The following ZDHHC2 variants were observed in gnomAD, a reference collection of about 807,000 sequenced individuals.
ZDHHC2 encodes palmitoyltransferase ZDHHC2.
ZDHHC2 carries 51 observed loss-of-function variants against 55.6 expected under a neutral mutation model. The ratio of observed to expected loss-of-function variants is 0.92; its 90% CI spans 0.73 to 1.16. The LOEUF (loss-of-function observed/expected upper bound fraction) is 1.16. Ranked by LOEUF, ZDHHC2 falls within the 50% of genes most tolerant of loss-of-function variation. ZDHHC2 has a pLI of 0.00. For synonymous variants in ZDHHC2, 199 were observed against 152.9 expected, an observed-to-expected ratio of 1.30 and a Z score of -2.22; for missense variants, 491 against 442.4, an observed-to-expected ratio of 1.11 and a Z score of -0.99.
intron 6 of ZDHHC2, among the ~76,000 whole-genome samples, chr8:17,202,721 T>TTATA (rs71964858): frequency 0.025 from 3,494 of 137,988 alleles, 48 homozygotes; most frequent in South Asian, 0.032. Flanking sequence ...TTTCTTCTAG[T>TTATA]TATATATATA....
At chr8:17,182,759 T>C (rs1308775560) in intron 1 of ZDHHC2, among the ~76,000 whole-genome samples, 1 of 151,284 alleles carries the variant, frequency 6.6e-6, no homozygotes, top group Non-Finnish European at 1.5e-5. Flanking sequence ...CAACTACACC[T>C]TTTTTTTTGT....
chr8:17,182,330 A>G (rs1805470525), intron 1 of ZDHHC2, among the ~76,000 whole-genome samples: 2 of 152,188 alleles, frequency 1.3e-5, no homozygotes, highest in African/African-American at 2.4e-5. Context: ...GAGAAAGGAA[A>G]TCCCAATCAT....
intron 3 of ZDHHC2, among the ~76,000 whole-genome samples, chr8:17,190,409 C>T (rs757510204): frequency 1.6e-4 from 24 of 152,134 alleles, no homozygotes; most frequent in Non-Finnish European, 3.4e-4. Context: ...TGGTTAAGAA[C>T]CTTAGAATAT....
At chr8:17,197,484 C>T (rs1806378815) in intron 4 of ZDHHC2, 98 bp from the exon 5 acceptor site, 1 of 1,035,090 alleles carries the variant, frequency 9.7e-7, no homozygotes, top group East Asian at 2.6e-5. Flanking sequence ...ATTTCATATG[C>T]TTTTTAAAAT....
At chr8:17,162,057 G>A (rs915461064) in intron 1 of ZDHHC2, among the ~76,000 whole-genome samples, 9 of 152,262 alleles carry the variant, frequency 5.9e-5, no homozygotes, top group South Asian at 4.1e-4. Context: ...CTTGATCCGT[G>A]CTCCCATTTT....
rs143210259 is a variant in ZDHHC2, at chr8:17,205,813, A to G, written c.597+38A>G. 2,241 of 1,555,946 alleles carry G rather than the reference A, an allele frequency of 1.4e-3. 4 individuals carry two copies. Among genetic ancestry groups the G allele is most frequent in the Admixed American group, 1.9e-3 (94 of 48,384 alleles). ...CTTGGTAACTCTTTTTTTGGTATAC[A>G]ATAATAGATAATATAGGCTTTTCAG... On this transcript the variant is annotated intron_variant, in intron 7 of 12. Coordinates refer to ENST00000262096, the MANE Select transcript of ZDHHC2 (RefSeq NM_016353.5).
chr8:17,203,809 C>CTTT (rs3041019), intron 6 of ZDHHC2, among the ~76,000 whole-genome samples: 7 of 130,150 alleles, frequency 5.4e-5, no homozygotes, highest in South Asian at 4.8e-4. Context: ...TCTTTTTTTT[C>CTTT]TTTTTTTTTT....
intron 6 of ZDHHC2, among the ~76,000 whole-genome samples, chr8:17,200,001 C>T (rs933236875): frequency 6.6e-5 from 10 of 152,060 alleles, no homozygotes; most frequent in African/African-American, 1.4e-4. Context: ...GTGATCCGCC[C>T]GCCTTGGCCT....
At chr8:17,176,819 A>C (rs1805156385) in intron 1 of ZDHHC2, among the ~76,000 whole-genome samples, 1 of 151,572 alleles carries the variant, frequency 6.6e-6, no homozygotes, top group African/African-American at 2.4e-5. Context: ...GACAACAAAG[A>C]AAAAAAAAGA....
rs571281344 is a variant in ZDHHC2, at chr8:17,222,366, A to G, written c.*2145A>G. ...ATCTGAGTGAACAAAGTGCTAAATA[A>G]ATAGATCTACATTTTGTACATATTT... On this transcript the variant is annotated 3_prime_UTR_variant, in exon 13 of 13. Transcript: ENST00000262096. The G allele has an allele frequency of 6.6e-6, 1 of 151,786 alleles. No homozygotes were observed. The highest frequency in any genetic ancestry group is 6.6e-5 in the Admixed American group (1 of 15,228). 9.4% of individuals were successfully genotyped at this position (151,786 alleles called of 1,614,324 possible).
intron 6 of ZDHHC2, among the ~76,000 whole-genome samples, chr8:17,203,155 G>C (rs1367442133): frequency 2.0e-5 from 3 of 147,564 alleles, no homozygotes; most frequent in African/African-American, 7.5e-5. Context: ...TGCCTCCCGG[G>C]TTCAAGCAGT....
chr8:17,168,090 A>G (rs937750698), intron 1 of ZDHHC2, among the ~76,000 whole-genome samples: 1 of 152,206 alleles, frequency 6.6e-6, no homozygotes, highest in African/African-American at 2.4e-5. Context: ...TAAATCCGAG[A>G]TAGATACATG....
intron 1 of ZDHHC2, among the ~76,000 whole-genome samples, chr8:17,176,662 A>T (rs1805148344): frequency 6.6e-6 from 1 of 152,154 alleles, no homozygotes; most frequent in African/African-American, 2.4e-5. Flanking sequence ...GCAGAGGATC[A>T]AGGGAGGGTA....
At chr8:17,201,819 T>G (rs889089593) in intron 6 of ZDHHC2, among the ~76,000 whole-genome samples, 4 of 151,982 alleles carry the variant, frequency 2.6e-5, no homozygotes, top group Admixed American at 2.0e-4. Context: ...TATACAGGTA[T>G]TTTAAACAGG....
intron 3 of ZDHHC2, among the ~76,000 whole-genome samples, chr8:17,190,059 G>A (rs1805938591): frequency 6.6e-6 from 1 of 151,932 alleles, no homozygotes; most frequent in Non-Finnish European, 1.5e-5. Flanking sequence ...ATTGAAGCAT[G>A]GGGGAAAAAT....
At chr8:17,159,440 G>C (rs1205044152) in intron 1 of ZDHHC2, among the ~76,000 whole-genome samples, 1 of 152,146 alleles carries the variant, frequency 6.6e-6, no homozygotes, top group Admixed American at 6.5e-5. Context: ...CTCTCAGCTA[G>C]GGATGACCCT....
intron 3 of ZDHHC2, among the ~76,000 whole-genome samples, chr8:17,192,434 C>G (rs778549394): frequency 2.0e-5 from 3 of 152,176 alleles, no homozygotes; most frequent in South Asian, 2.1e-4. Flanking sequence ...TGAGAAATGT[C>G]TATTCAGATC....
intron 6 of ZDHHC2, among the ~76,000 whole-genome samples, chr8:17,199,545 C>CGTCTTCGTCTTCGTCT (rs1563161293): frequency 1.8e-5 from 1 of 56,100 alleles, no homozygotes; most frequent in African/African-American, 5.7e-5. Context: ...TCTTCGTCTT[C>CGTCTTCGTCTTCGTCT]TGTCTTCGTC....
At chr8:17,201,098 G>A (rs2904673) in intron 6 of ZDHHC2, among the ~76,000 whole-genome samples, 2 of 151,978 alleles carry the variant, frequency 1.3e-5, no homozygotes, top group Admixed American at 6.6e-5. Context: ...AAGTCTATAG[G>A]TAATAACATG....
Sources: allele counts gnomAD v4.1 joint callset (sites outside exome capture counted in the v4.1 genomes callset), GRCh38; gene constraint gnomAD v4.1.1; transcripts MANE v1.5; gene names NCBI Gene and HGNC (gene_info 2026-07-23, HGNC 2026-07-21).